ZNF454: variants seen among roughly 807,000 people sequenced by gnomAD.
The protein encoded by ZNF454 is zinc finger protein 454.
Under a neutral mutation model 48.2 loss-of-function variants are expected in ZNF454, and 30 were observed. That is an observed-to-expected ratio of 0.62 (90% CI 0.47 to 0.84). The LOEUF is 0.84. Among genes scored for constraint, ZNF454 ranks in the 40% least tolerant of loss-of-function variants. ZNF454 has a pLI of 0.00. For synonymous variants in ZNF454, 204 were observed against 211.4 expected (o/e 0.97, Z 0.30); for missense variants, 510 against 623.1 (o/e 0.82, Z 1.93).
At chr5:178,968,590 T>G (rs1480245750), downstream of ZNF454, 4 of 354,268 alleles carry the variant, frequency 1.1e-5, no homozygotes, top group African/African-American at 8.5e-5. Flanking sequence ...TCCCATGTCC[T>G]CAGAAGTTCA....
chr5:178,950,861 CTT>C (rs560753478), intron 4 of ZNF454, among the ~76,000 whole-genome samples: 24 of 141,164 alleles, frequency 1.7e-4, no homozygotes, highest in Admixed American at 2.1e-4. Flanking sequence ...CCATTTCTTT[CTT>C]TTTTTTTTTT....
chr5:178,984,981 T>TC, the ZNF454 span, among the ~76,000 whole-genome samples: 1 of 151,936 alleles, frequency 6.6e-6, no homozygotes, highest in Non-Finnish European at 1.5e-5. Context: ...CGCCCCAGAC[T>TC]CCAAGAGTTG....
In ZNF454 at chr5:178,946,139, C is replaced by T. The variant is rs76173191; in HGVS notation, c.34-220C>T. ...TCCCAGTGCTGAGAAAGCCTATCTTCGCCACCATATATGTTTCTTCAGCGT... is the reference window on the plus strand; with the variant it reads ...TCCCAGTGCTGAGAAAGCCTATCTTTGCCACCATATATGTTTCTTCAGCGT... On this transcript the variant is annotated intron_variant, in intron 2 of 4. Transcript: ENST00000519564. This position sits in a 1 kb window ranked among gnomAD's most constrained non-coding sequence, Gnocchi z 4.5. 0.016 allele frequency among the ~76,000 whole-genome samples: 2,366 copies of T among 152,174 alleles called. 70 individuals carry two copies. The highest frequency in any genetic ancestry group is 0.054 in the African/African-American group (2,258 of 41,490).
rs1449029854 is a variant in ZNF454 at position 178,961,013 on chromosome 5, C to T, written c.251-3642C>T. On this transcript the variant is annotated intron_variant, in intron 4 of 4. Transcript: ENST00000519564. ...TGGCACGATCTCAGCTCACTGCAACCTCTGCCTCCTGGGTTCAAGCGATTC... is the reference window on the plus strand; with the variant it reads ...TGGCACGATCTCAGCTCACTGCAACTTCTGCCTCCTGGGTTCAAGCGATTC... Among the ~76,000 whole-genome samples the T allele has an allele frequency of 2.8e-4, 42 of 151,176 alleles. No individual in the cohort carries two copies. The Admixed American group carries it at 2.8e-3, about 10-fold the overall frequency.
At position 178,946,634 on chromosome 5, in the gene ZNF454, C is replaced by A; in HGVS notation, c.160+149C>A. ...TTTTACCTGTCCTTGGTGTCCTGGGCACAGGCCTCTTTTGGAGTCCACTGC... is the reference window on the plus strand; with the variant it reads ...TTTTACCTGTCCTTGGTGTCCTGGGAACAGGCCTCTTTTGGAGTCCACTGC... On this transcript the variant is annotated intron_variant, in intron 3 of 4. Coordinates refer to ENST00000519564, the MANE Select transcript of ZNF454 (RefSeq NM_001178089.3). This position sits in a 1 kb window ranked among gnomAD's most constrained non-coding sequence, Gnocchi z 4.5. The A allele has an allele frequency of 8.6e-7, 1 of 1,161,178 alleles. No homozygotes were observed. Among genetic ancestry groups the A allele is most frequent in the Non-Finnish European group, 1.2e-6 (1 of 837,858 alleles). The allele number at this position is 1,161,178 out of a possible 1,614,324, so 71.9% of individuals were successfully genotyped here.
At chr5:178,987,935 T>A in the ZNF454 span, among the ~76,000 whole-genome samples, 5 of 147,080 alleles carry the variant, frequency 3.4e-5, no homozygotes, top group African/African-American at 1.0e-4. Flanking sequence ...AATTTTTGTA[T>A]TTTTAGTAGA....
the ZNF454 span, chr5:178,985,511 G>A: frequency 4.1e-5 from 14 of 339,340 alleles, no homozygotes; most frequent in South Asian, 6.8e-5. Flanking sequence ...AGACCATCCT[G>A]GCTAACACGG....
At chr5:178,975,363 T>C in the ZNF454 span, among the ~76,000 whole-genome samples, 1 of 152,212 alleles carries the variant, frequency 6.6e-6, no homozygotes, top group Non-Finnish European at 1.5e-5. Context: ...ATGTGACCAC[T>C]ACAACTGCTC....
At chr5:178,989,170 C>A in the ZNF454 span, 4 of 1,602,860 alleles carry the variant, frequency 2.5e-6, no homozygotes, top group Admixed American at 6.8e-5. Flanking sequence ...GTGTGCCCGG[C>A]CCCCATGCAC....
chr5:178,971,862 A>AAG, the ZNF454 span, among the ~76,000 whole-genome samples: 36 of 120,698 alleles, frequency 3.0e-4, no homozygotes, highest in African/African-American at 1.1e-3. Flanking sequence ...AAAAAAAAAA[A>AAG]GAAGAAGAAC....
rs1759320616 is a variant in ZNF454, at chr5:178,946,109, G to T, written c.34-250G>T. 6.6e-6 allele frequency among the ~76,000 whole-genome samples: 1 copy of T among 152,052 alleles called. No homozygotes were observed. The highest frequency in any genetic ancestry group is 1.5e-5 in the Non-Finnish European group (1 of 67,994). On this transcript the variant is annotated intron_variant, in intron 2 of 4. Transcript: ENST00000519564. This position sits in a 1 kb window ranked among gnomAD's most constrained non-coding sequence, Gnocchi z 4.5. ...TTCTGGGCTAAATGAATGGCAAGTT[G>T]GAAGTCCCAGTGCTGAGAAAGCCTA...
At chr5:178,969,339 G>A (rs1760208865), downstream of ZNF454, 8 of 409,788 alleles carry the variant, frequency 2.0e-5, no homozygotes, top group South Asian at 1.4e-4. Flanking sequence ...GCTGATCTGT[G>A]TGGTGTTAGA....
chr5:178,953,197 T>C (rs1033954690), intron 4 of ZNF454, among the ~76,000 whole-genome samples: 1 of 152,162 alleles, frequency 6.6e-6, no homozygotes, highest in Non-Finnish European at 1.5e-5. Flanking sequence ...GCCCCTTCAG[T>C]GACTCCTGCT....
the ZNF454 span, chr5:178,990,020 G>A: frequency 5.8e-4 from 115 of 198,802 alleles, no homozygotes; most frequent in East Asian, 6.5e-3. Context: ...AATAAAAGGC[G>A]TGATGGTATA....
the ZNF454 span, chr5:178,986,494 G>C: frequency 6.2e-7 from 1 of 1,610,360 alleles, no homozygotes; most frequent in South Asian, 1.1e-5. Context: ...GAGCGGCGGG[G>C]CTGCCCAGGG....
Position 178,964,983 on chromosome 5 carries a change from TAATA to T in ZNF454, c.582_585del (p.Lys195IlefsTer60), listed in dbSNP as rs1561708437. 2 of 1,614,134 alleles carry T rather than the reference TAATA, an allele frequency of 1.2e-6. No individual in the cohort carries two copies. The highest frequency in any genetic ancestry group is 2.7e-5 in the African/African-American group (2 of 75,040). On this transcript the variant is annotated frameshift_variant, in exon 5 of 5. Coordinates refer to ENST00000519564, the MANE Select transcript of ZNF454 (RefSeq NM_001178089.3). LOFTEE classifies it high-confidence loss of function. ...AAGTCTTCTCTAAGAGTTCAACTCT[TAATA>T]AACATCAGAAAATTCATAATGAAAA...
chr5:178,979,437 A>G, the ZNF454 span: 1 of 152,234 alleles, frequency 6.6e-6, no homozygotes, highest in Non-Finnish European at 1.5e-5. Context: ...AGAATGGTGC[A>G]TGCTGTGGAG....
chr5:178,983,143 G>A, the ZNF454 span: 1 of 1,613,990 alleles, frequency 6.2e-7, no homozygotes, highest in Non-Finnish European at 8.5e-7. Context: ...GCCTGCTCGG[G>A]GTCCACCGTC....
intron 4 of ZNF454, among the ~76,000 whole-genome samples, chr5:178,953,954 C>A (rs770709393): frequency 4.6e-5 from 7 of 152,140 alleles, no homozygotes; most frequent in Non-Finnish European, 1.0e-4. Flanking sequence ...TTTAGTGAAA[C>A]TTTCCGTCTA....
Sources: allele counts gnomAD v4.1 joint callset (sites outside exome capture counted in the v4.1 genomes callset), GRCh38; gene constraint gnomAD v4.1.1; non-coding constraint Gnocchi (gnomAD v3.1); transcripts MANE v1.5; gene names NCBI Gene and HGNC (gene_info 2026-07-23, HGNC 2026-07-21).